The following ARSG variants were observed in gnomAD, a reference collection of about 807,000 sequenced individuals.
The protein encoded by ARSG is ASG.
A neutral mutation model predicts 50.5 loss-of-function variants in ARSG; 37 were observed. The observed-to-expected ratio is 0.73, with a 90% CI of 0.56 to 0.96. The LOEUF is 0.96. ARSG is among the 50% of genes least tolerant of loss of function. The pLI, the probability that ARSG is intolerant of heterozygous loss-of-function variation, is 0.00. For missense variants in ARSG, 629 were observed against 675.3 expected (o/e 0.93, Z 0.76); for synonymous variants, 225 against 254.6 (o/e 0.88, Z 1.11).
chr17:68,274,289 A>T, intron 1 of ARSG: 1 of 409,594 alleles, frequency 2.4e-6, no homozygotes. Context: ...AACATGGTGA[A>T]ACCCCGTCTC....
At chr17:68,268,036 C>A (rs781839870) in intron 1 of ARSG, 4 of 152,170 alleles carry the variant, frequency 2.6e-5, no homozygotes, top group Non-Finnish European at 5.9e-5. Flanking sequence ...GTTTTGAAAG[C>A]TAAGGCGATT....
chr17:68,316,876 A>G (rs1476991040), intron 2 of ARSG, among the ~76,000 whole-genome samples: 2 of 152,048 alleles, frequency 1.3e-5, no homozygotes, highest in Admixed American at 6.6e-5. Context: ...ACCTTGCTCT[A>G]TCTATTCCCA....
At chr17:68,260,870 C>T (rs2075062064) in intron 1 of ARSG, among the ~76,000 whole-genome samples, 1 of 152,172 alleles carries the variant, frequency 6.6e-6, no homozygotes, top group African/African-American at 2.4e-5. Context: ...AAAAAGTCTA[C>T]TGGAAAATAG....
chr17:68,348,150 G>A (rs2078596662), intron 4 of ARSG, among the ~76,000 whole-genome samples: 1 of 152,060 alleles, frequency 6.6e-6, no homozygotes, highest in Non-Finnish European at 1.5e-5. Context: ...CCTTTTCCCA[G>A]GTGGGCATTC....
intron 1 of ARSG, among the ~76,000 whole-genome samples, chr17:68,261,615 G>C (rs1431708517): frequency 6.6e-6 from 1 of 152,126 alleles, no homozygotes; most frequent in African/African-American, 2.4e-5. Flanking sequence ...CCAGGCTCAA[G>C]CAATCTGCCC....
chr17:68,391,699 T>C (rs2080999796), intron 9 of ARSG, among the ~76,000 whole-genome samples: 2 of 152,212 alleles, frequency 1.3e-5, no homozygotes, highest in Non-Finnish European at 2.9e-5. Context: ...GACTGCTTTG[T>C]GGTCCTCTTT....
chr17:68,404,999 G>A (rs1366667840), intron 11 of ARSG, among the ~76,000 whole-genome samples: 2 of 152,208 alleles, frequency 1.3e-5, no homozygotes, highest in South Asian at 2.1e-4. Flanking sequence ...TCATACATGT[G>A]AGGGATAATT....
chr17:68,385,019 G>T (rs374401035), intron 8 of ARSG, 45 bp from the exon 9 acceptor site: 1 of 1,520,696 alleles, frequency 6.6e-7, no homozygotes, highest in Non-Finnish European at 9.1e-7. Flanking sequence ...AAGAAGTCTC[G>T]AGTTATCACC....
intron 2 of ARSG, among the ~76,000 whole-genome samples, chr17:68,337,413 A>G (rs971084325): frequency 2.6e-5 from 4 of 152,048 alleles, no homozygotes. Context: ...GCACATTCCA[A>G]CATCTTAGAT....
intron 8 of ARSG, 100 bp downstream of exon 8, chr17:68,370,624 C>A: frequency 9.6e-7 from 1 of 1,037,932 alleles, no homozygotes. Context: ...TATATCTGGG[C>A]CTTAGGGTCA....
chr17:68,357,358 T>C (rs1384381287), intron 6 of ARSG, among the ~76,000 whole-genome samples: 1 of 152,204 alleles, frequency 6.6e-6, no homozygotes, highest in Non-Finnish European at 1.5e-5. Flanking sequence ...TCCTTGCCTT[T>C]TCCAGCTTCT....
intron 9 of ARSG, among the ~76,000 whole-genome samples, chr17:68,389,397 A>G (rs2080886916): frequency 1.3e-5 from 2 of 152,054 alleles, no homozygotes; most frequent in Non-Finnish European, 2.9e-5. Context: ...TGAGGGTGCC[A>G]GGGAAGCTGC....
chr17:68,401,504 C>T (rs1242141544), intron 11 of ARSG, 54 bp downstream of exon 11: 5 of 1,524,420 alleles, frequency 3.3e-6, no homozygotes, highest in Non-Finnish European at 4.5e-6. Flanking sequence ...GCACGGGGAC[C>T]CCATGGACTC....
At chr17:68,285,850 C>T (rs2075829359) in intron 1 of ARSG, among the ~76,000 whole-genome samples, 1 of 151,936 alleles carries the variant, frequency 6.6e-6, no homozygotes, top group African/African-American at 2.4e-5. Flanking sequence ...CACCTCCATC[C>T]CCCAGGTTCA....
At chr17:68,326,136 G>T (rs776813364) in intron 2 of ARSG, among the ~76,000 whole-genome samples, 2 of 152,206 alleles carry the variant, frequency 1.3e-5, no homozygotes, top group Non-Finnish European at 2.9e-5. Context: ...GGAGCCAGCA[G>T]CAGCAAGAAG....
Position 68,375,490 on chromosome 17 carries a change from C to T in ARSG, c.982+4966C>T, listed in dbSNP as rs772778773. Among the ~76,000 whole-genome samples, 7 of 152,304 alleles carry T rather than the reference C, an allele frequency of 4.6e-5. No homozygotes were observed. In the East Asian group the frequency reaches 1.3e-3, roughly 29 times the overall value. ...GATAATGCAGGTTAAAATTTGAGAA[C>T]TACCTGTCTAGAGCTACACAGTCTG... On this transcript the variant is annotated intron_variant, in intron 8 of 11. Transcript: ENST00000621439.
downstream of ARSG, chr17:68,427,135 C>T (rs775201691): frequency 6.2e-7 from 1 of 1,613,344 alleles, no homozygotes; most frequent in Non-Finnish European, 8.5e-7. Context: ...GTCCACCCAC[C>T]TGGCACCGTG....
chr17:68,389,069 G>A (rs571124271), intron 9 of ARSG, among the ~76,000 whole-genome samples: 10 of 152,172 alleles, frequency 6.6e-5, no homozygotes, highest in African/African-American at 9.7e-5. Flanking sequence ...CGAAGGCACC[G>A]GTCTTGGAAG....
At chr17:68,340,223 T>C (rs2078206432) in intron 2 of ARSG, among the ~76,000 whole-genome samples, 2 of 152,180 alleles carry the variant, frequency 1.3e-5, no homozygotes, top group Non-Finnish European at 2.9e-5. Context: ...TTTTTCTGAG[T>C]GTCAGTATGG....
Sources: gnomAD v4.1 joint callset for allele counts (sites outside exome capture counted in the v4.1 genomes callset) on GRCh38, gnomAD v4.1.1 for gene constraint, MANE v1.5 for transcripts, NCBI Gene and HGNC (gene_info 2026-07-23, HGNC 2026-07-21) for gene names.